Variants in TMEM132D observed in about 807,000 individuals in gnomAD.
TMEM132D encodes the protein mature OL transmembrane protein.
Under a neutral mutation model 62.3 loss-of-function variants are expected in TMEM132D, and 21 were observed. The ratio of observed to expected loss-of-function variants is 0.34; its 90% CI spans 0.24 to 0.49. The LOEUF is 0.49. Among genes scored for constraint, TMEM132D ranks in the 20% least tolerant of loss-of-function variants. The probability of loss-of-function intolerance (pLI) is 0.99; values close to 1 mark genes in which losing one functional copy is unlikely to be tolerated. For missense variants in TMEM132D, 1,346 were observed against 1,402.8 expected, an observed-to-expected ratio of 0.96 and a Z score of 0.65; for synonymous variants, 621 against 575.6, an observed-to-expected ratio of 1.08 and a Z score of -1.13.
intron 5 of TMEM132D, among the ~76,000 whole-genome samples, chr12:129,208,210 C>T (rs766726955): frequency 2.6e-5 from 4 of 152,052 alleles, no homozygotes; most frequent in Non-Finnish European, 4.4e-5. Context: ...TGGCAGGACC[C>T]GAGGAGGGCT....
chr12:129,852,731 G>T (rs896568019), intron 1 of TMEM132D: 1 of 152,010 alleles, frequency 6.6e-6, no homozygotes, highest in Non-Finnish European at 1.5e-5. Context: ...GAGGGGTGAG[G>T]ACAAGGTTTC....
At chr12:129,130,425 C>T (rs1256411198) in intron 5 of TMEM132D, among the ~76,000 whole-genome samples, 1 of 152,080 alleles carries the variant, frequency 6.6e-6, no homozygotes. Flanking sequence ...TGACTCTGCC[C>T]CTCCCTTCTG....
chr12:129,195,502 G>A (rs1405403020), intron 5 of TMEM132D, among the ~76,000 whole-genome samples: 1 of 152,004 alleles, frequency 6.6e-6, no homozygotes, highest in Non-Finnish European at 1.5e-5. Flanking sequence ...GTGGGGAGTG[G>A]ATTTTGGGGT....
intron 2 of TMEM132D, among the ~76,000 whole-genome samples, chr12:129,585,896 G>A (rs938335830): frequency 5.3e-5 from 8 of 151,510 alleles, no homozygotes; most frequent in Non-Finnish European, 1.2e-4. Context: ...TTTTGCAAGA[G>A]GAAAGCGAAA....
intron 3 of TMEM132D, among the ~76,000 whole-genome samples, chr12:129,343,771 C>CAAAAAAAAAA (rs201157436): frequency 7.9e-6 from 1 of 127,140 alleles, no homozygotes; most frequent in Non-Finnish European, 1.7e-5. Flanking sequence ...CAAAAAAAAA[C>CAAAAAAAAAA]AAAAAAAAAA....
intron 5 of TMEM132D, chr12:129,170,137 G>C (rs1877680586): frequency 6.6e-6 from 1 of 152,330 alleles, no homozygotes; most frequent in Admixed American, 6.5e-5. Context: ...CTCATCTAGA[G>C]CTGCTCCTTC....
intron 1 of TMEM132D, among the ~76,000 whole-genome samples, chr12:129,815,275 G>T (rs983789522): frequency 6.6e-6 from 1 of 152,156 alleles, no homozygotes; most frequent in Non-Finnish European, 1.5e-5. Flanking sequence ...AAAAAATCCA[G>T]AATGCATTGT....
chr12:129,207,780 T>C (rs575181761), intron 5 of TMEM132D, among the ~76,000 whole-genome samples: 5 of 152,314 alleles, frequency 3.3e-5, no homozygotes, highest in African/African-American at 7.2e-5. Flanking sequence ...AAAAAAAGTA[T>C]TGATCCATAA....
chr12:129,633,619 A>G (rs1158599312), intron 2 of TMEM132D, among the ~76,000 whole-genome samples: 2 of 152,146 alleles, frequency 1.3e-5, no homozygotes, highest in East Asian at 3.9e-4. Flanking sequence ...CTCTTTGGGA[A>G]TTTAAGTACA....
intron 5 of TMEM132D, among the ~76,000 whole-genome samples, chr12:129,159,775 A>G (rs1565981959): frequency 1.6e-5 from 2 of 123,548 alleles, no homozygotes; most frequent in African/African-American, 5.8e-5. Flanking sequence ...AAAAAAAAAA[A>G]AAGAAAGAAA....
intron 2 of TMEM132D, among the ~76,000 whole-genome samples, chr12:129,576,603 T>C (rs1180538401): frequency 6.7e-6 from 1 of 149,842 alleles, no homozygotes; most frequent in African/African-American, 2.5e-5. Context: ...ATACATATTA[T>C]ACACACACAC....
chr12:129,421,238 C>T (rs1225488139), intron 3 of TMEM132D, among the ~76,000 whole-genome samples: 1 of 152,204 alleles, frequency 6.6e-6, no homozygotes, highest in Non-Finnish European at 1.5e-5. Context: ...GCTGGGATTA[C>T]AGGCGTGAGC....
At chr12:129,198,857 A>AT (rs1197379029) in intron 5 of TMEM132D, among the ~76,000 whole-genome samples, 4 of 152,136 alleles carry the variant, frequency 2.6e-5, no homozygotes, top group Admixed American at 6.5e-5. Context: ...ATTATTTCAC[A>AT]TTTTTTCATA....
intron 3 of TMEM132D, among the ~76,000 whole-genome samples, chr12:129,380,705 C>T (rs1870924499): frequency 6.6e-6 from 1 of 152,148 alleles, no homozygotes; most frequent in Admixed American, 6.6e-5. Flanking sequence ...TCCATAGTCA[C>T]CTCGCCCTCT....
intron 1 of TMEM132D, among the ~76,000 whole-genome samples, chr12:129,801,330 C>G (rs374712985): frequency 3.8e-5 from 5 of 132,740 alleles, no homozygotes; most frequent in Non-Finnish European, 6.5e-5. Context: ...TCTCCCAGCA[C>G]GCAGCTGGAG....
At chr12:129,184,226 A>G (rs911400225) in intron 5 of TMEM132D, among the ~76,000 whole-genome samples, 1 of 152,130 alleles carries the variant, frequency 6.6e-6, no homozygotes, top group Admixed American at 6.6e-5. Context: ...ATGCAGGCGG[A>G]GGGGCATGGG....
chr12:129,622,984 G>A (rs1443196629), intron 2 of TMEM132D, among the ~76,000 whole-genome samples: 1 of 152,160 alleles, frequency 6.6e-6, no homozygotes, highest in Non-Finnish European at 1.5e-5. Context: ...ACGAGGTAAT[G>A]TAAGTTCATC....
chr12:129,750,554 A>C (rs550744356), intron 1 of TMEM132D, among the ~76,000 whole-genome samples: 2 of 152,350 alleles, frequency 1.3e-5, no homozygotes, highest in Admixed American at 1.3e-4. Flanking sequence ...ATTTCCAAAT[A>C]ACAGGCCTAT....
chr12:129,444,380 C>T (rs905471650), intron 3 of TMEM132D, among the ~76,000 whole-genome samples: 4 of 139,258 alleles, frequency 2.9e-5, no homozygotes, highest in Non-Finnish European at 6.0e-5. Context: ...GCCTAATATC[C>T]AGTATTCATA....
Sources: gnomAD v4.1 joint callset for allele counts (sites outside exome capture counted in the v4.1 genomes callset) on GRCh38, gnomAD v4.1.1 for gene constraint, MANE v1.5 for transcripts, NCBI Gene and HGNC (gene_info 2026-07-23, HGNC 2026-07-21) for gene names.